The following DCC variants were observed in gnomAD, a reference collection of about 807,000 sequenced individuals.
DCC encodes netrin receptor DCC.
Under a neutral mutation model 172.5 loss-of-function variants are expected in DCC, and 58 were observed. The observed-to-expected ratio is 0.34, with a 90% CI of 0.27 to 0.42. The LOEUF is 0.42. DCC is among the 10% of genes least tolerant of loss of function. The probability of loss-of-function intolerance (pLI) is 1.00; values close to 1 mark genes in which losing one functional copy is unlikely to be tolerated. For missense variants in DCC, 1,740 were observed against 1,791.0 expected (o/e 0.97, Z 0.51); for synonymous variants, 709 against 644.5 (o/e 1.10, Z -1.52).
chr18:52,795,080 G>A (rs377673933), intron 2 of DCC, among the ~76,000 whole-genome samples: 2 of 151,974 alleles, frequency 1.3e-5, no homozygotes, highest in Non-Finnish European at 2.9e-5. Context: ...AAAATGGCCT[G>A]TAGGTTTTTG....
rs558458112 is a variant in DCC, at chr18:53,033,196, CA to C, written c.986-30107del. Among the ~76,000 whole-genome samples, 5 of 152,198 alleles carry C rather than the reference CA, an allele frequency of 3.3e-5. 1 individual carries two copies. In the South Asian group the frequency reaches 1.0e-3, roughly 32 times the overall value. On this transcript the variant is annotated intron_variant, in intron 5 of 28. Transcript: ENST00000442544. Reference sequence around the variant, plus strand: ...TGAAGGAACTCAACTGGCAAAACCCCAAGCATGCCATGGTTAGCTCTTATTT... The same window carrying C: ...TGAAGGAACTCAACTGGCAAAACCCCAGCATGCCATGGTTAGCTCTTATTT...
At chr18:53,177,131 A>G (rs1481661389) in intron 8 of DCC, among the ~76,000 whole-genome samples, 3 of 149,914 alleles carry the variant, frequency 2.0e-5, no homozygotes, top group Admixed American at 6.7e-5. Flanking sequence ...TTGAACAATG[A>G]GATCACATGG....
chr18:52,487,210 G>A (rs1244238955), intron 1 of DCC, among the ~76,000 whole-genome samples: 1 of 152,014 alleles, frequency 6.6e-6, no homozygotes, highest in African/African-American at 2.4e-5. Flanking sequence ...CCAAACTGTG[G>A]CAACAATCAA....
chr18:52,977,657 G>A (rs538124708), intron 5 of DCC, among the ~76,000 whole-genome samples: 5 of 152,098 alleles, frequency 3.3e-5, no homozygotes, highest in Admixed American at 1.3e-4. Flanking sequence ...AGGCCGAGGC[G>A]GGTGGATCAT....
chr18:52,958,094 A>G (rs1462135517), intron 5 of DCC, among the ~76,000 whole-genome samples: 1 of 152,190 alleles, frequency 6.6e-6, no homozygotes, highest in Non-Finnish European at 1.5e-5. Flanking sequence ...GGAGTGGCAC[A>G]TGCTCTGGAG....
At chr18:53,527,435 T>A (rs2046471703) in intron 28 of DCC, among the ~76,000 whole-genome samples, 2 of 152,056 alleles carry the variant, frequency 1.3e-5, no homozygotes, top group East Asian at 1.9e-4. Context: ...AGCTATATTA[T>A]GAGGGCTTTT....
At chr18:52,530,089 A>T (rs1425915947) in intron 1 of DCC, among the ~76,000 whole-genome samples, 2 of 152,238 alleles carry the variant, frequency 1.3e-5, no homozygotes, top group East Asian at 3.8e-4. Context: ...AGTATATATG[A>T]CATAATGAAA....
At chr18:52,640,621 A>T (rs992318611) in intron 1 of DCC, among the ~76,000 whole-genome samples, 4 of 151,898 alleles carry the variant, frequency 2.6e-5, no homozygotes, top group African/African-American at 7.2e-5. Flanking sequence ...TAGCTGCAAA[A>T]AAAAGAAAAA....
intron 1 of DCC, among the ~76,000 whole-genome samples, chr18:52,528,410 A>G (rs1178243903): frequency 6.6e-6 from 1 of 152,216 alleles, no homozygotes; most frequent in African/African-American, 2.4e-5. Flanking sequence ...ACATATGAAA[A>G]TAAGGAAGTA....
intron 5 of DCC, chr18:52,931,665 T>A (rs2040308687): frequency 1.3e-5 from 2 of 152,134 alleles, no homozygotes; most frequent in Admixed American, 1.3e-4. Context: ...ATCATTAAGC[T>A]TTTTGGAGAT....
At chr18:52,391,598 T>C (rs1372258084) in intron 1 of DCC, among the ~76,000 whole-genome samples, 1 of 152,132 alleles carries the variant, frequency 6.6e-6, no homozygotes, top group Non-Finnish European at 1.5e-5. Context: ...CAGTGAAGGT[T>C]ATCATCTTGC....
intron 27 of DCC, among the ~76,000 whole-genome samples, chr18:53,511,603 A>C (rs963599214): frequency 6.6e-6 from 1 of 152,128 alleles, no homozygotes; most frequent in African/African-American, 2.4e-5. Context: ...GTGGGTGCGC[A>C]CACCGTGCGC....
chr18:52,408,364 A>C (rs72918818), intron 1 of DCC, among the ~76,000 whole-genome samples: 16,566 of 152,002 alleles, frequency 0.11, 982 homozygotes, highest in Middle Eastern at 0.18. Context: ...ATTTTTATTA[A>C]ATTTTCTTAA....
chr18:53,038,457 T>C (rs1308421505), intron 5 of DCC, among the ~76,000 whole-genome samples: 1 of 151,932 alleles, frequency 6.6e-6, no homozygotes, highest in African/African-American at 2.4e-5. Context: ...ATACCATTAC[T>C]TTGGAAGTTA....
At chr18:53,024,337 G>A (rs1037233459) in intron 5 of DCC, among the ~76,000 whole-genome samples, 9 of 152,106 alleles carry the variant, frequency 5.9e-5, no homozygotes, top group Admixed American at 3.3e-4. Context: ...ATCTTAGGCA[G>A]GCCAATTCTT....
At chr18:53,172,304 A>G (rs1241495995) in intron 8 of DCC, among the ~76,000 whole-genome samples, 1 of 152,130 alleles carries the variant, frequency 6.6e-6, no homozygotes, top group Non-Finnish European at 1.5e-5. Context: ...GCAACAGTAG[A>G]CATGGGACTG....
chr18:52,517,060 G>C (rs1028345216), intron 1 of DCC, among the ~76,000 whole-genome samples: 4 of 152,132 alleles, frequency 2.6e-5, no homozygotes, highest in Non-Finnish European at 1.5e-5. Flanking sequence ...AGCTCCACTG[G>C]CTTCCCTTGG....
chr18:52,561,101 A>AT (rs1251423171), intron 1 of DCC, among the ~76,000 whole-genome samples: 12 of 151,884 alleles, frequency 7.9e-5, no homozygotes, highest in Non-Finnish European at 1.3e-4. Context: ...TTTATTCAAG[A>AT]TTTTTTTTAA....
intron 1 of DCC, among the ~76,000 whole-genome samples, chr18:52,382,957 T>C (rs1418055254): frequency 6.6e-6 from 1 of 152,158 alleles, no homozygotes; most frequent in African/African-American, 2.4e-5. Context: ...GTTTTAAAAA[T>C]TATGCACAAA....
Sources: gnomAD v4.1 joint callset for allele counts (sites outside exome capture counted in the v4.1 genomes callset) on GRCh38, gnomAD v4.1.1 for gene constraint, MANE v1.5 for transcripts, NCBI Gene and HGNC (gene_info 2026-07-23, HGNC 2026-07-21) for gene names.